TEX55: variants seen among roughly 807,000 people sequenced by gnomAD.
TEX55 encodes the protein testis expressed 55, also known as testis-specific expressed protein 55.
A neutral mutation model predicts 44.6 loss-of-function variants in TEX55; 31 were observed. The observed-to-expected ratio is 0.69, with a 90% confidence interval of 0.52 to 0.94. TEX55 has a LOEUF of 0.94. Among genes scored for constraint, TEX55 ranks in the 40% least tolerant of loss-of-function variants. TEX55 has a pLI of 0.00. For missense variants in TEX55, 639 were observed against 638.4 expected, an observed-to-expected ratio of 1.00 and a Z score of -0.01; for synonymous variants, 230 against 230.9, an observed-to-expected ratio of 1.00 and a Z score of 0.04.
At chr3:119,147,652 A>T in intron 1 of TEX55, 65 bp downstream of exon 1, 2 of 1,375,678 alleles carry the variant, frequency 1.5e-6, no homozygotes, top group Non-Finnish European at 2.0e-6. Context: ...CCTGGAGAGT[A>T]AAAATAGGGG....
chr3:119,148,305 C>T lies in TEX55; in HGVS notation c.1524C>T (p.His508=). ...CACTCCAATACATGGAAAAACACCA[C>T]ATTCTGCAAATATTCCAGGTAAACC... ...QVSLQYMEKH[H]ILQIFQQITE... is the part of the protein sequence containing the mutation. Residue 508 remains histidine, a synonymous_variant, in exon 2 of 3, where the codon CAC becomes CAT. Coordinates refer to ENST00000295622, the MANE Select transcript of TEX55 (RefSeq NM_152539.3). 1.9e-6 allele frequency: 3 copies of T among 1,611,092 alleles called. No individual in the cohort carries two copies. Among genetic ancestry groups the T allele is most frequent in the Non-Finnish European group, 2.5e-6 (3 of 1,179,256 alleles).
At chr3:119,149,317 CAA>C (rs1022357647) in intron 2 of TEX55, among the ~76,000 whole-genome samples, 1 of 151,986 alleles carries the variant, frequency 6.6e-6, no homozygotes, top group African/African-American at 2.4e-5. Context: ...AACTAAGACA[CAA>C]ATACACACAT....
chr3:119,150,637 T>C (rs2077773468), intron 2 of TEX55, among the ~76,000 whole-genome samples: 1 of 152,110 alleles, frequency 6.6e-6, no homozygotes, highest in African/African-American at 2.4e-5. Context: ...ATCAAATGTC[T>C]CAGAAGGAAG....
rs765588073 is a variant in TEX55, at chr3:119,146,433, A to C, written c.244A>C (p.Ser82Arg). ...TNGVAEQNGH[S>R]TPGQAGRRAS... ...CGGAGTAGCTGAACAAAATGGGCAT[A>C]GTACACCTGGTCAGGCTGGCCGCAG... Residue 82 changes from serine (S) to arginine (R), a missense_variant, in exon 1 of 3, where the codon AGT becomes CGT. Physicochemically the swap from Ser to Arg is moderately radical, Grantham distance 110 (BLOSUM62 -1). Transcript: ENST00000295622. 6.2e-7 allele frequency: 1 copy of C among 1,614,208 alleles called. No individual in the cohort carries two copies. Among genetic ancestry groups the C allele is most frequent in the East Asian group, 2.2e-5 (1 of 44,888 alleles).
In TEX55 at chr3:119,146,763, G is replaced by C; in HGVS notation, c.574G>C (p.Glu192Gln). The C allele has an allele frequency of 1.2e-6, 2 of 1,614,044 alleles. No individual in the cohort carries two copies. ...MAGQSERRAS[E>Q]QMDRRMSGEA... ...AGGCCAGTCTGAGAGAAGAGCTTCC[G>C]AGCAGATGGACCGCAGAATGTCTGG... The change falls in exon 1 of 3, where the codon GAG becomes CAG. Residue 192 changes from glutamate to glutamine, a missense_variant. Coordinates refer to ENST00000295622, the MANE Select transcript of TEX55 (RefSeq NM_152539.3).
intron 2 of TEX55, among the ~76,000 whole-genome samples, chr3:119,149,698 A>C (rs1337261688): frequency 1.3e-5 from 2 of 152,210 alleles, no homozygotes; most frequent in Non-Finnish European, 2.9e-5. Flanking sequence ...GCACTATGGC[A>C]TTATGACAGC....
intron 2 of TEX55, 26 bp downstream of exon 2, chr3:119,148,349 A>AT: frequency 6.5e-7 from 1 of 1,536,466 alleles, no homozygotes; most frequent in Non-Finnish European, 8.9e-7. Context: ...CCTCTCTTTA[A>AT]TTATAAGTTT....
In TEX55 at chr3:119,148,111, C is replaced by T. The variant is rs1192590227; in HGVS notation, c.1399-69C>T. On this transcript the variant is annotated intron_variant, in intron 1 of 2. Coordinates refer to ENST00000295622, the MANE Select transcript of TEX55 (RefSeq NM_152539.3). The stretch of plus-strand genomic sequence containing the variant: ...AAGATCTCATCAACATCAGGTTTCA[C>T]TGATAATGACAATTCCTAGGCCCTT... The T allele has an allele frequency of 2.2e-6, 3 of 1,361,994 alleles. No individual in the cohort carries two copies. In the Admixed American group the frequency reaches 6.6e-5, roughly 30 times the overall value. 84.4% of individuals were successfully genotyped at this position (1,361,994 alleles called of 1,614,324 possible). A position where few individuals can be genotyped will look rare whatever the true frequency, so the allele number is the denominator to read the frequency against.
At chr3:119,150,123 C>T (rs896563100) in intron 2 of TEX55, among the ~76,000 whole-genome samples, 3 of 152,122 alleles carry the variant, frequency 2.0e-5, no homozygotes, top group Admixed American at 6.5e-5. Flanking sequence ...TAAGATTCCT[C>T]ATATAAAGTA....
In TEX55 at chr3:119,146,619, G is replaced by C; in HGVS notation, c.430G>C (p.Glu144Gln). The C allele has an allele frequency of 6.2e-7, 1 of 1,614,078 alleles. No homozygotes were observed. The highest frequency in any genetic ancestry group is 1.1e-5 in the South Asian group (1 of 91,076). ...VSGLTEERTA[E>Q]QTERRLPTQA... is the part of the protein sequence containing the mutation. Reference sequence around the variant, plus strand: ...TGGCCTGACGGAGGAAAGAACTGCTGAACAGACTGAACGAAGATTACCTAC... The same window carrying C: ...TGGCCTGACGGAGGAAAGAACTGCTCAACAGACTGAACGAAGATTACCTAC... Residue 144 changes from glutamate (E) to glutamine (Q), a missense_variant, in exon 1 of 3, where the codon GAA becomes CAA. Transcript: ENST00000295622.
Position 119,147,524 on chromosome 3 carries a change from C to T in TEX55, c.1335C>T (p.Ser445=). Residue 445 remains serine, a synonymous_variant, in exon 1 of 3, where the codon TCC becomes TCT. Coordinates refer to ENST00000295622, the MANE Select transcript of TEX55 (RefSeq NM_152539.3). ...KDQALFPRLP[S]ISSKLNYTSS... ...AAGCTCTTTTCCCAAGACTCCCCTC[C>T]ATCTCATCCAAATTGAACTATACCA... 6.2e-7 allele frequency: 1 copy of T among 1,614,164 alleles called. No homozygotes were observed. Among genetic ancestry groups the T allele is most frequent in the Non-Finnish European group, 8.5e-7 (1 of 1,180,034 alleles).
chr3:119,147,299 AG>A lies in TEX55; in HGVS notation c.1111del (p.Asp371ThrfsTer7). On this transcript the variant is annotated frameshift_variant, in exon 1 of 3. Coordinates refer to ENST00000295622, the MANE Select transcript of TEX55 (RefSeq NM_152539.3). LOFTEE classifies it high-confidence loss of function. ...SYYETRGQSE[D>X]RIFPQLGNSK... ...ACTATGAAACACGTGGCCAGTCTGA[AG>A]ACAGAATATTTCCCCAGTTAGGCAA... The A allele has an allele frequency of 6.2e-7, 1 of 1,614,210 alleles. No individual in the cohort carries two copies. Among genetic ancestry groups the A allele is most frequent in the Non-Finnish European group, 8.5e-7 (1 of 1,180,042 alleles).
In TEX55 at chr3:119,147,106, C is replaced by T. The variant is rs149275651; in HGVS notation, c.917C>T (p.Thr306Ile). The T allele has an allele frequency of 1.2e-5, 19 of 1,614,066 alleles. No individual in the cohort carries two copies. Among genetic ancestry groups the T allele is most frequent in the Non-Finnish European group, 1.6e-5 (19 of 1,180,034 alleles). The change falls in exon 1 of 3, where the codon ACT becomes ATT. Residue 306 changes from threonine to isoleucine, a missense_variant. Transcript: ENST00000295622. ...GTTGACCACAAAACATCTGTAAAGACTCACCACCAAGTGTACGGCCAAGCC... is the reference window on the plus strand; with the variant it reads ...GTTGACCACAAAACATCTGTAAAGATTCACCACCAAGTGTACGGCCAAGCC... ...GLVDHKTSVK[T>I]HHQVYGQATE...
intron 2 of TEX55, among the ~76,000 whole-genome samples, chr3:119,149,199 T>C (rs1191334959): frequency 6.6e-6 from 1 of 152,204 alleles, no homozygotes; most frequent in African/African-American, 2.4e-5. Context: ...ATACACATAG[T>C]ACAGCTATAC....
Position 119,146,617 on chromosome 3 carries a change from C to A in TEX55, c.428C>A (p.Ala143Asp). 1 of 1,614,068 alleles carries A rather than the reference C, an allele frequency of 6.2e-7. No individual in the cohort carries two copies. Among genetic ancestry groups the A allele is most frequent in the Non-Finnish European group, 8.5e-7 (1 of 1,180,018 alleles). Residue 143 changes from alanine to aspartate, a missense_variant, in exon 1 of 3, where the codon GCT becomes GAT. Transcript: ENST00000295622. ...TCTGGCCTGACGGAGGAAAGAACTG[C>A]TGAACAGACTGAACGAAGATTACCT... is the stretch of plus-strand genomic sequence containing the variant. The part of the protein sequence containing the change: ...QVSGLTEERT[A>D]EQTERRLPTQ...
intron 2 of TEX55, 23 bp downstream of exon 2, chr3:119,148,346 TTAATTA>T (rs763428980): frequency 7.6e-5 from 117 of 1,539,764 alleles, no homozygotes; most frequent in Non-Finnish European, 9.2e-5. Flanking sequence ...ATTCCTCTCT[TTAATTA>T]TAAGTTTTTC....
Position 119,146,853 on chromosome 3 carries a change from C to T in TEX55, c.664C>T (p.Pro222Ser). The T allele has an allele frequency of 1.2e-6, 2 of 1,614,218 alleles. No individual in the cohort carries two copies. The highest frequency in any genetic ancestry group is 1.7e-6 in the Non-Finnish European group (2 of 1,180,030). The change falls in exon 1 of 3, where the codon CCT (proline) becomes TCT (serine). Residue 222 changes from proline to serine, a missense_variant. By Grantham distance (74) the Pro-to-Ser change is moderately conservative (BLOSUM62 -1). Transcript: ENST00000295622. ...HRLSKLSERR[P>S]SVQIDSGSSV... ...ATTATCCAAACTATCTGAGAGAAGA[C>T]CTTCTGTGCAGATTGACAGTGGGTC...
intron 2 of TEX55, 49 bp from the exon 3 acceptor site, chr3:119,151,175 A>G (rs1449986683): frequency 2.6e-6 from 3 of 1,167,046 alleles, no homozygotes; most frequent in Non-Finnish European, 3.8e-6. Flanking sequence ...ACCTGACCAC[A>G]TAATTTTGCT....
chr3:119,146,526 C>A lies in TEX55; in HGVS notation c.337C>A (p.Gln113Lys). 1 of 1,614,002 alleles carries A rather than the reference C, an allele frequency of 6.2e-7. No individual in the cohort carries two copies. Among genetic ancestry groups the A allele is most frequent in the Non-Finnish European group, 8.5e-7 (1 of 1,180,048 alleles). ...DDQVNQTPSE[Q>K]TKGKASSQAN... ...TCAGGTTAATCAAACACCGTCTGAACAGACTAAAGGCAAGGCATCTAGCCA... is the reference window on the plus strand; with the variant it reads ...TCAGGTTAATCAAACACCGTCTGAAAAGACTAAAGGCAAGGCATCTAGCCA... Residue 113 changes from glutamine to lysine, a missense_variant, in exon 1 of 3, where the codon CAG (glutamine) becomes AAG (lysine). By Grantham distance (53) the Gln-to-Lys change is moderately conservative. Coordinates refer to ENST00000295622, the MANE Select transcript of TEX55 (RefSeq NM_152539.3).
Sources: gnomAD v4.1 joint callset for allele counts (sites outside exome capture counted in the v4.1 genomes callset) on GRCh38, gnomAD v4.1.1 for gene constraint, MANE v1.5 for transcripts, NCBI Gene and HGNC (gene_info 2026-07-23, HGNC 2026-07-21) for gene names.